ADGRB3: variants seen among roughly 807,000 people sequenced by gnomAD.
ADGRB3 encodes brain-specific angiogenesis inhibitor 3.
ADGRB3 carries 37 observed loss-of-function variants against 193.4 expected under a neutral mutation model. The observed-to-expected ratio is 0.19, with a 90% CI of 0.15 to 0.25. ADGRB3 has a LOEUF of 0.25. Among genes scored for constraint, ADGRB3 ranks in the 10% least tolerant of loss-of-function variants. ADGRB3 has a pLI of 1.00. For missense variants in ADGRB3, 1,637 were observed against 1,852.9 expected (o/e 0.88, Z 2.14); for synonymous variants, 690 against 644.2 (o/e 1.07, Z -1.08).
At chr6:69,321,816 T>G (rs1314675371) in intron 20 of ADGRB3, among the ~76,000 whole-genome samples, 2 of 151,868 alleles carry the variant, frequency 1.3e-5, no homozygotes, top group African/African-American at 4.8e-5. Context: ...ATATGACATA[T>G]AAGTAGAAAA....
At chr6:68,905,038 A>C (rs1766503775) in intron 3 of ADGRB3, among the ~76,000 whole-genome samples, 1 of 152,222 alleles carries the variant, frequency 6.6e-6, no homozygotes, top group Non-Finnish European at 1.5e-5. Context: ...CCGTGTGTGG[A>C]CTGCCAACTT....
At chr6:69,196,685 T>C in intron 17 of ADGRB3, among the ~76,000 whole-genome samples, 1 of 152,104 alleles carries the variant, frequency 6.6e-6, no homozygotes, top group East Asian at 1.9e-4. Context: ...ACAGCTGCAT[T>C]TTAAGATTTT....
At chr6:68,988,285 A>G (rs1769136214) in intron 10 of ADGRB3, among the ~76,000 whole-genome samples, 1 of 152,210 alleles carries the variant, frequency 6.6e-6, no homozygotes, top group Non-Finnish European at 1.5e-5. Flanking sequence ...AATAGAGATC[A>G]TATCATGATT....
chr6:68,889,577 A>T (rs901598819), intron 3 of ADGRB3, among the ~76,000 whole-genome samples: 1 of 149,364 alleles, frequency 6.7e-6, no homozygotes, highest in African/African-American at 2.5e-5. Context: ...ATCTCAGCTC[A>T]CTGCAAGCTC....
chr6:68,692,697 G>T (rs938782110), intron 3 of ADGRB3, among the ~76,000 whole-genome samples: 7 of 151,558 alleles, frequency 4.6e-5, no homozygotes, highest in Non-Finnish European at 1.0e-4. Flanking sequence ...GGCTTCCTTT[G>T]CTGGTTTGAT....
At chr6:69,343,335 T>TC (rs1386790573) in intron 26 of ADGRB3, among the ~76,000 whole-genome samples, 3 of 88,100 alleles carry the variant, frequency 3.4e-5, no homozygotes, top group Non-Finnish European at 6.6e-5. Context: ...CCCTTCCCCC[T>TC]CCCCCCACCC....
chr6:69,239,251 CT>C (rs1249979756), intron 20 of ADGRB3, 25 bp downstream of exon 20: 13 of 1,434,390 alleles, frequency 9.1e-6, no homozygotes, highest in Admixed American at 3.6e-5. Context: ...TATTCTGATT[CT>C]TTTTTTGTGT....
At chr6:69,069,770 A>C (rs1193168639) in intron 16 of ADGRB3, among the ~76,000 whole-genome samples, 1 of 150,612 alleles carries the variant, frequency 6.6e-6, no homozygotes, top group Non-Finnish European at 1.5e-5. Context: ...AAAAGAAAAA[A>C]ATTTATGAAC....
chr6:69,096,363 GT>G (rs70987448), intron 17 of ADGRB3, among the ~76,000 whole-genome samples: 29,514 of 132,460 alleles, frequency 0.22, 3,084 homozygotes, highest in East Asian at 0.33. Flanking sequence ...ATTGTTTTGG[GT>G]TTTTTTTTTT....
chr6:68,912,245 A>G (rs142446203), intron 3 of ADGRB3, among the ~76,000 whole-genome samples: 56 of 152,118 alleles, frequency 3.7e-4, no homozygotes, highest in Non-Finnish European at 7.6e-4. Flanking sequence ...TATATAAATT[A>G]CTGATTTTTT....
intron 10 of ADGRB3, among the ~76,000 whole-genome samples, chr6:68,976,213 T>C (rs1241537345): frequency 6.6e-6 from 1 of 152,204 alleles, no homozygotes; most frequent in Non-Finnish European, 1.5e-5. Flanking sequence ...GTATTCTTGC[T>C]TGTGGATGGA....
chr6:69,165,027 A>G (rs2150345914), intron 17 of ADGRB3, among the ~76,000 whole-genome samples: 1 of 151,428 alleles, frequency 6.6e-6, no homozygotes, highest in South Asian at 2.1e-4. Flanking sequence ...GAGGCTTCAC[A>G]CAGTCTCCTT....
chr6:69,364,085 A>T (rs913731169), intron 29 of ADGRB3, among the ~76,000 whole-genome samples: 4 of 152,016 alleles, frequency 2.6e-5, no homozygotes, highest in Non-Finnish European at 4.4e-5. Flanking sequence ...AAAGCCATAG[A>T]GAACATCCAG....
chr6:68,864,334 G>A (rs72902944), intron 3 of ADGRB3, among the ~76,000 whole-genome samples: 20,440 of 152,198 alleles, frequency 0.13, 1,825 homozygotes, highest in Middle Eastern at 0.2. Flanking sequence ...ATCCTCTCCT[G>A]TAATAAAGGA....
intron 3 of ADGRB3, among the ~76,000 whole-genome samples, chr6:68,821,896 T>C (rs1767754209): frequency 6.6e-6 from 1 of 152,016 alleles, no homozygotes; most frequent in African/African-American, 2.4e-5. Flanking sequence ...AGTATGCGTT[T>C]GACACTGTTA....
At chr6:68,983,915 G>A (rs2150270179) in intron 10 of ADGRB3, among the ~76,000 whole-genome samples, 1 of 151,936 alleles carries the variant, frequency 6.6e-6, no homozygotes, top group South Asian at 2.1e-4. Flanking sequence ...TGAGATGAAT[G>A]CATGAGATAA....
chr6:69,377,238 G>A (rs1427988424), intron 30 of ADGRB3, among the ~76,000 whole-genome samples: 1 of 152,022 alleles, frequency 6.6e-6, no homozygotes, highest in East Asian at 1.9e-4. Flanking sequence ...CCAGAGTATG[G>A]TGCTTTGGCA....
intron 17 of ADGRB3, among the ~76,000 whole-genome samples, chr6:69,198,000 T>G (rs906084805): frequency 6.6e-6 from 1 of 152,100 alleles, no homozygotes; most frequent in African/African-American, 2.4e-5. Context: ...TCATACTATT[T>G]GATTCCTTTG....
chr6:69,166,998 C>T (rs570541928), intron 17 of ADGRB3, among the ~76,000 whole-genome samples: 1 of 152,146 alleles, frequency 6.6e-6, no homozygotes, highest in African/African-American at 2.4e-5. Flanking sequence ...AATCTGATGA[C>T]ATTTTGTTCC....
Sources: allele counts gnomAD v4.1 joint callset (sites outside exome capture counted in the v4.1 genomes callset), GRCh38; gene constraint gnomAD v4.1.1; transcripts MANE v1.5; gene names NCBI Gene and HGNC (gene_info 2026-07-23, HGNC 2026-07-21).